The following PTPRD variants were observed in gnomAD, a reference collection of about 807,000 sequenced individuals.
PTPRD encodes protein tyrosine phosphatase receptor type D.
PTPRD carries 34 observed loss-of-function variants against 214.5 expected under a neutral mutation model. That is an observed-to-expected ratio of 0.16 (90% CI 0.12 to 0.21). PTPRD has a LOEUF of 0.21. Ranked by LOEUF, PTPRD falls within the 10% of genes least tolerant of loss-of-function variation. PTPRD has a pLI of 1.00. For missense variants in PTPRD, 2,545 were observed against 2,398.7 expected, an observed-to-expected ratio of 1.06 and a Z score of -1.27; for synonymous variants, 1,128 against 845.7, an observed-to-expected ratio of 1.33 and a Z score of -5.79.
intron 11 of PTPRD, among the ~76,000 whole-genome samples, chr9:8,894,124 C>T (rs375624675): frequency 3.5e-4 from 53 of 152,010 alleles, no homozygotes; most frequent in East Asian, 3.3e-3. Flanking sequence ...GAGGCCAAGG[C>T]GGGTGGATCA....
chr9:9,641,116 T>C (rs996557162), intron 7 of PTPRD, among the ~76,000 whole-genome samples: 1 of 94,184 alleles, frequency 1.1e-5, no homozygotes, highest in Admixed American at 1.1e-4. Flanking sequence ...AAAAATTCAA[T>C]GGGGCAGAAG....
intron 3 of PTPRD, among the ~76,000 whole-genome samples, chr9:10,041,396 T>C (rs1326849848): frequency 2.0e-5 from 3 of 152,024 alleles, no homozygotes; most frequent in Non-Finnish European, 4.4e-5. Flanking sequence ...AACAGACTTT[T>C]AGATCTTATT....
chr9:8,782,015 T>A (rs1046229029), intron 11 of PTPRD, among the ~76,000 whole-genome samples: 3 of 152,028 alleles, frequency 2.0e-5, no homozygotes, highest in Admixed American at 6.6e-5. Flanking sequence ...TGTATATATA[T>A]TATGCATATT....
intron 33 of PTPRD, 188 bp downstream of exon 33, chr9:8,460,223 T>C (rs1341683602): frequency 1.4e-6 from 1 of 739,416 alleles, no homozygotes; most frequent in Non-Finnish European, 2.3e-6. Context: ...CAAAACTGAA[T>C]AAGATTCCAA....
At chr9:9,944,028 A>T (rs1268031257) in intron 4 of PTPRD, among the ~76,000 whole-genome samples, 1 of 152,116 alleles carries the variant, frequency 6.6e-6, no homozygotes. Context: ...GGAAAACTCA[A>T]GGCTTTAGTC....
At chr9:9,593,394 C>A (rs2092960897) in intron 7 of PTPRD, among the ~76,000 whole-genome samples, 1 of 151,212 alleles carries the variant, frequency 6.6e-6, no homozygotes. Context: ...ATTTATATCT[C>A]CAAGGCTTGA....
At chr9:8,422,009 G>C (rs2094397455) in intron 35 of PTPRD, among the ~76,000 whole-genome samples, 1 of 151,372 alleles carries the variant, frequency 6.6e-6, no homozygotes, top group Non-Finnish European at 1.5e-5. Flanking sequence ...TAGCCAGTGG[G>C]GTGGTGTGTG....
At chr9:10,082,335 G>T (rs1290005233) in intron 3 of PTPRD, among the ~76,000 whole-genome samples, 1 of 152,106 alleles carries the variant, frequency 6.6e-6, no homozygotes, top group Admixed American at 6.6e-5. Context: ...ACTTGGGGAT[G>T]TCCCAAACAC....
At chr9:9,776,130 C>T (rs1040495107) in intron 5 of PTPRD, among the ~76,000 whole-genome samples, 4 of 152,114 alleles carry the variant, frequency 2.6e-5, no homozygotes, top group African/African-American at 7.2e-5. Flanking sequence ...GCCATGCCCA[C>T]GTTCTGCTGG....
chr9:9,971,537 A>G lies in PTPRD; in HGVS notation c.-471-32927T>C, dbSNP rs1207602429. On this transcript the variant is annotated intron_variant, in intron 4 of 45. Coordinates refer to ENST00000381196, the MANE Select transcript of PTPRD (RefSeq NM_002839.4). ...AAAACTTCTCAACTCTGAGGAATTC[A>G]GGCTTAGAAACTAATGAGTTAGATT... Among the ~76,000 whole-genome samples, 9 of 152,350 alleles carry G rather than the reference A, an allele frequency of 5.9e-5. 1 individual carries two copies. The Middle Eastern group carries it at 0.014, about 230-fold the overall frequency.
intron 14 of PTPRD, among the ~76,000 whole-genome samples, chr9:8,599,809 G>T (rs980808153): frequency 3.3e-5 from 5 of 151,820 alleles, no homozygotes; most frequent in African/African-American, 1.2e-4. Context: ...TAGAGACGGG[G>T]CTTCTCCATG....
intron 7 of PTPRD, among the ~76,000 whole-genome samples, chr9:9,662,423 T>A (rs1227619689): frequency 6.6e-6 from 1 of 151,632 alleles, no homozygotes; most frequent in Non-Finnish European, 1.5e-5. Context: ...GCAAGACGCT[T>A]TTTCTTAAGA....
chr9:9,032,249 T>G (rs1434813205), intron 10 of PTPRD, among the ~76,000 whole-genome samples: 2 of 152,020 alleles, frequency 1.3e-5, no homozygotes, highest in Non-Finnish European at 2.9e-5. Flanking sequence ...GAAAGTGATC[T>G]TTTTGAAACG....
chr9:9,344,332 T>TG (rs1474821704), intron 9 of PTPRD, among the ~76,000 whole-genome samples: 4 of 150,306 alleles, frequency 2.7e-5, no homozygotes, highest in Admixed American at 2.7e-4. Context: ...GTCGGGGGTT[T>TG]GGGGGGAAAG....
chr9:9,638,664 A>G (rs113359781), intron 7 of PTPRD, among the ~76,000 whole-genome samples: 2,874 of 152,276 alleles, frequency 0.019, 87 homozygotes, highest in African/African-American at 0.066. Context: ...TAGTGCCGAA[A>G]CCACTTCTAT....
intron 11 of PTPRD, among the ~76,000 whole-genome samples, chr9:8,751,799 A>G: frequency 6.6e-6 from 1 of 152,338 alleles, no homozygotes; most frequent in Non-Finnish European, 1.5e-5. Context: ...GACTACCAGT[A>G]TTTAACCCTC....
chr9:8,460,317 T>C, intron 33 of PTPRD, 94 bp downstream of exon 33: 1 of 1,456,222 alleles, frequency 6.9e-7, no homozygotes, highest in African/African-American at 1.4e-5. Flanking sequence ...GTATTTCTAC[T>C]AAAATCAACC....
At chr9:10,390,660 A>G (rs1335834104) in intron 2 of PTPRD, among the ~76,000 whole-genome samples, 1 of 151,752 alleles carries the variant, frequency 6.6e-6, no homozygotes, top group African/African-American at 2.4e-5. Flanking sequence ...ATCAGAACAT[A>G]CTTTTCTCTT....
intron 2 of PTPRD, among the ~76,000 whole-genome samples, chr9:10,396,279 C>T (rs542345541): frequency 6.6e-6 from 1 of 152,026 alleles, no homozygotes; most frequent in East Asian, 2.0e-4. Flanking sequence ...TTTACTTTCC[C>T]TGAAATCTTC....
Sources: allele counts gnomAD v4.1 joint callset (sites outside exome capture counted in the v4.1 genomes callset), GRCh38; gene constraint gnomAD v4.1.1; transcripts MANE v1.5; gene names NCBI Gene and HGNC (gene_info 2026-07-23, HGNC 2026-07-21).